ABCC3: variants seen among roughly 807,000 people sequenced by gnomAD.
ABCC3 encodes the protein ATP binding cassette subfamily C member 3.
A neutral mutation model predicts 165.3 loss-of-function variants in ABCC3; 121 were observed. That is an observed-to-expected ratio of 0.73 (90% confidence interval 0.63 to 0.85). ABCC3 has a LOEUF of 0.85. ABCC3 is among the 40% of genes least tolerant of loss of function. The pLI, the probability that ABCC3 is intolerant of heterozygous loss-of-function variation, is 0.00. For synonymous variants in ABCC3, 733 were observed against 810.1 expected, an observed-to-expected ratio of 0.90 and a Z score of 1.62; for missense variants, 1,869 against 1,964.1, an observed-to-expected ratio of 0.95 and a Z score of 0.92.
rs752148745 is a variant in ABCC3 at position 50,669,305 on chromosome 17, CAG to C, written c.2064+40_2064+41del. 79 of 1,614,114 alleles carry C rather than the reference CAG, an allele frequency of 4.9e-5. No homozygotes were observed. The African/African-American group carries it at 6.8e-4, about 14-fold the overall frequency. The stretch of plus-strand genomic sequence containing the variant: ...GGGCTCCTGGGCAGGGTGTGGGGCT[CAG>C]CCAGGCCTTGGGCAAGCCCCGAGGT... On this transcript the variant is annotated intron_variant, in intron 16 of 30. Transcript: ENST00000285238.
chr17:50,678,771 T>C (rs1369461889), intron 25 of ABCC3: 1 of 152,104 alleles, frequency 6.6e-6, no homozygotes, highest in Non-Finnish European at 1.5e-5. Flanking sequence ...AATACAAAAA[T>C]TAGCCAGCCG....
At position 50,687,735 on chromosome 17, in the gene ABCC3, G is replaced by C. The variant is rs1203426735; in HGVS notation, c.4475+5G>C. 1 of 1,610,656 alleles carries C rather than the reference G, an allele frequency of 6.2e-7. No homozygotes were observed. The highest frequency in any genetic ancestry group is 8.5e-7 in the Non-Finnish European group (1 of 1,177,124). On this transcript the variant is annotated splice_donor_5th_base_variant and intron_variant, in intron 30 of 30. Transcript: ENST00000285238. Reference sequence around the variant, plus strand: ...CACTATCATGGACTACACCAGGTGGGACACGGAAACCTGAGCAATGGGGAA... The same window carrying C: ...CACTATCATGGACTACACCAGGTGGCACACGGAAACCTGAGCAATGGGGAA...
intron 1 of ABCC3, among the ~76,000 whole-genome samples, chr17:50,652,210 T>A (rs533918966): frequency 1.3e-5 from 2 of 152,226 alleles, no homozygotes; most frequent in African/African-American, 4.8e-5. Flanking sequence ...TACAGACTTA[T>A]ATAAACATAA....
chr17:50,671,275 A>T (rs566401256), intron 17 of ABCC3, among the ~76,000 whole-genome samples: 1 of 150,700 alleles, frequency 6.6e-6, no homozygotes, highest in Non-Finnish European at 1.5e-5. Context: ...AAAAAAAAAG[A>T]AAAAAAAACT....
chr17:50,667,251 G>T (rs886493), intron 11 of ABCC3, among the ~76,000 whole-genome samples: 71,506 of 150,894 alleles, frequency 0.47, 17,108 homozygotes, highest in East Asian at 0.62. Context: ...ATAATAATAA[G>T]AAGAAGAAAA....
intron 17 of ABCC3, among the ~76,000 whole-genome samples, chr17:50,669,861 T>G (rs1042992905): frequency 1.3e-5 from 2 of 151,930 alleles, no homozygotes; most frequent in Non-Finnish European, 2.9e-5. Flanking sequence ...CATGGTGACA[T>G]CATGGGACGC....
At position 50,683,658 on chromosome 17, in the gene ABCC3, C is replaced by A. The variant is rs11568593; in HGVS notation, c.3856C>A (p.Arg1286Ser). 1 of 1,601,534 alleles carries A rather than the reference C, an allele frequency of 6.2e-7. No individual in the cohort carries two copies. Among genetic ancestry groups the A allele is most frequent in the Non-Finnish European group, 8.5e-7 (1 of 1,173,864 alleles). ...CCGCCCTCCCGAAGGTTGGCCCCCA[C>A]GTGGGGAGGTGGAGTTCCGGAATTA... ...GSRPPEGWPPRGEVEFRNYSV... is the reference protein window; with the variant it reads ...GSRPPEGWPPSGEVEFRNYSV... The change falls in exon 27 of 31, where the codon CGT (arginine) becomes AGT (serine). Residue 1286 changes from arginine (R) to serine (S), a missense_variant. Transcript: ENST00000285238.
At chr17:50,655,413 A>AAC (rs1470136465) in intron 1 of ABCC3, among the ~76,000 whole-genome samples, 1 of 149,338 alleles carries the variant, frequency 6.7e-6, no homozygotes, top group Non-Finnish European at 1.5e-5. Context: ...TCAAAAAAAA[A>AAC]AAAAAAAACA....
intron 30 of ABCC3, chr17:50,688,492 G>A (rs1382564437): frequency 6.6e-6 from 1 of 152,288 alleles, no homozygotes; most frequent in Non-Finnish European, 1.5e-5. Flanking sequence ...CTTGTGGGGA[G>A]AGCACTGTGT....
Position 50,676,190 on chromosome 17 carries a change from C to T in ABCC3, c.3068-88C>T, listed in dbSNP as rs1029293295. ...CCCTTGCATCCAAGCCTCCCTAACC[C>T]ACTCTGGTCAACCCGTGTCTCTGAT... On this transcript the variant is annotated intron_variant, in intron 22 of 30. Transcript: ENST00000285238. 2.5e-6 allele frequency: 4 copies of T among 1,588,866 alleles called. No individual in the cohort carries two copies. In the African/African-American group the frequency reaches 5.4e-5, roughly 21 times the overall value.
rs558685818 is a variant in ABCC3 at position 50,641,780 on chromosome 17, TCATG to T, written c.45+6801_45+6804del. ...AATCATAAAGGCCAGGTGCAGTGGC[TCATG>T]CCTGTAATCCCAGCACTTTGGGAGG... On this transcript the variant is annotated intron_variant, in intron 1 of 30. Coordinates refer to ENST00000285238, the MANE Select transcript of ABCC3 (RefSeq NM_003786.4). 2.0e-3 allele frequency among the ~76,000 whole-genome samples: 309 copies of T among 152,230 alleles called. 2 individuals carry two copies. The highest frequency in any genetic ancestry group is 7.0e-3 in the African/African-American group (290 of 41,516).
intron 26 of ABCC3, among the ~76,000 whole-genome samples, chr17:50,682,263 A>G (rs765538094): frequency 6.6e-6 from 1 of 151,258 alleles, no homozygotes; most frequent in African/African-American, 2.4e-5. Context: ...TGGGCCTCCC[A>G]AATTATGTAG....
At chr17:50,638,292 C>A (rs1348301419) in intron 1 of ABCC3, among the ~76,000 whole-genome samples, 1 of 152,070 alleles carries the variant, frequency 6.6e-6, no homozygotes, top group South Asian at 2.1e-4. Context: ...GTATTTACCC[C>A]CCGCCAGATA....
Position 50,691,088 on chromosome 17 carries a change from C to G in ABCC3, c.4476-4C>G, listed in dbSNP as rs763521550. The stretch of plus-strand genomic sequence containing the variant: ...ACCTGACCACTTCTCTCTTTTTTGA[C>G]TAGGGTCCTGGTCCTGGACAAAGGA... On this transcript the variant is annotated splice_polypyrimidine_tract_variant and splice_region_variant and intron_variant, in intron 30 of 30. Transcript: ENST00000285238. 1 of 1,611,550 alleles carries G rather than the reference C, an allele frequency of 6.2e-7. No individual in the cohort carries two copies. The highest frequency in any genetic ancestry group is 1.1e-5 in the South Asian group (1 of 91,024).
At position 50,665,164 on chromosome 17, in the gene ABCC3, C is replaced by T; in HGVS notation, c.1350C>T (p.Pro450=). ...AIYFLWQNLG[P]SVLAGVAFMV... is the part of the protein sequence containing the mutation. ...CGGTGCCTCCTCAGAACCTAGGTCC[C>T]TCTGTCCTGGCTGGAGTCGCTTTCA... The change falls in exon 11 of 31, where the codon CCC becomes CCT. Residue 450 remains proline (P), a synonymous_variant. Transcript: ENST00000285238. 6.2e-7 allele frequency: 1 copy of T among 1,614,184 alleles called. No individual in the cohort carries two copies. The highest frequency in any genetic ancestry group is 8.5e-7 in the Non-Finnish European group (1 of 1,180,020).
Position 50,691,302 on chromosome 17 carries a change from G to A in ABCC3, c.*102G>A. The A allele has an allele frequency of 2.2e-6, 2 of 911,538 alleles. No individual in the cohort carries two copies. The highest frequency in any genetic ancestry group is 2.0e-5 in the Admixed American group (1 of 49,176). The allele number at this position is 911,538 out of a possible 1,614,324, so 56.5% of individuals were successfully genotyped here. A position where few individuals can be genotyped will look rare whatever the true frequency, so the allele number is the denominator to read the frequency against. ...ATGGACTTGATAGCAAACACTGGGG[G>A]CACCTTAAGATTTTGCACCTGTAAA... On this transcript the variant is annotated 3_prime_UTR_variant, in exon 31 of 31. Coordinates refer to ENST00000285238, the MANE Select transcript of ABCC3 (RefSeq NM_003786.4).
chr17:50,673,359 C>G, intron 18 of ABCC3, 110 bp from the exon 19 acceptor site: 1 of 1,417,896 alleles, frequency 7.1e-7, no homozygotes, highest in South Asian at 1.3e-5. Flanking sequence ...ATGTGCCTGT[C>G]CAAGCTCCCT....
chr17:50,648,452 C>G (rs562387169), intron 1 of ABCC3, among the ~76,000 whole-genome samples: 1 of 152,284 alleles, frequency 6.6e-6, no homozygotes, highest in East Asian at 1.9e-4. Context: ...CACAGAAGAC[C>G]AGCAGTTTAT....
At chr17:50,659,406 G>C in intron 7 of ABCC3, 38 bp downstream of exon 7, 3 of 1,581,688 alleles carry the variant, frequency 1.9e-6, no homozygotes, top group Non-Finnish European at 2.6e-6. Context: ...CAGCCCCTTC[G>C]CTTACCCCAG....
Sources: gnomAD v4.1 joint callset for allele counts (sites outside exome capture counted in the v4.1 genomes callset) on GRCh38, gnomAD v4.1.1 for gene constraint, MANE v1.5 for transcripts, NCBI Gene and HGNC (gene_info 2026-07-23, HGNC 2026-07-21) for gene names.